Variants in RIF1 observed in about 807,000 individuals in gnomAD.
RIF1 encodes the protein telomere-associated protein RIF1.
RIF1 carries 45 observed loss-of-function variants against 247.1 expected under a neutral mutation model. The ratio of observed to expected loss-of-function variants is 0.18; its 90% CI spans 0.14 to 0.23. The LOEUF is 0.23. Ranked by LOEUF, RIF1 falls within the 10% of genes least tolerant of loss-of-function variation. RIF1 has a pLI of 1.00. For missense variants in RIF1, 2,967 were observed against 2,862.5 expected (o/e 1.04, Z -0.83); for synonymous variants, 1,087 against 978.8 (o/e 1.11, Z -2.06).
At chr2:151,431,310 A>C (rs1166184854) in intron 9 of RIF1, among the ~76,000 whole-genome samples, 2 of 152,208 alleles carry the variant, frequency 1.3e-5, no homozygotes, top group Non-Finnish European at 2.9e-5. Flanking sequence ...CCTTCTAAGA[A>C]TCTTATATAC....
At chr2:151,455,519 CCATGGGTTCTGCATT>C (rs1367607144) in intron 22 of RIF1, among the ~76,000 whole-genome samples, 1 of 152,108 alleles carries the variant, frequency 6.6e-6, no homozygotes, top group Non-Finnish European at 1.5e-5. Flanking sequence ...CTGTTTGTAT[CCATGGGTTCTGCATT>C]CATGGATTCA....
chr2:151,416,534 A>T, intron 4 of RIF1, 27 bp from the exon 5 acceptor site: 1 of 1,569,208 alleles, frequency 6.4e-7, no homozygotes, highest in East Asian at 2.2e-5. Flanking sequence ...CCTATTCTAT[A>T]CAAAATTAAA....
At position 151,462,442 on chromosome 2, in the gene RIF1, G is replaced by A; in HGVS notation, c.3339G>A (p.Lys1113=). 6.4e-7 allele frequency: 1 copy of A among 1,563,856 alleles called. No individual in the cohort carries two copies. The highest frequency in any genetic ancestry group is 8.7e-7 in the Non-Finnish European group (1 of 1,153,364). Residue 1113 remains lysine, a synonymous_variant, in exon 29 of 36, where the codon AAG becomes AAA. Transcript: ENST00000444746. ...MEIPTLTRKP[K]EDSKMMITEE... ...TTCCTACTTTAACCAGAAAACCAAA[G>A]GAGGATTCTAAGATGATGATTACGG...
chr2:151,505,577 A>C (rs771206029), intron 12 of RIF1: 2 of 1,607,264 alleles, frequency 1.2e-6, no homozygotes, highest in Admixed American at 1.7e-5. Context: ...TCACCTGCAG[A>C]TTTAAAAATG....
rs1012509956 is a variant in RIF1 at position 151,496,824 on chromosome 2, TAAAG to T, written c.*513+1505_*513+1508del. On this transcript the variant is annotated intron_variant and NMD_transcript_variant, in intron 10 of 13. Coordinates refer to the RIF1 transcript ENST00000454583. ...CCAAAGGAAAAAAGGATAAATTTGCTAAAGAAAGAAGTTCACAAAATTTGTCTTT... is the reference window on the plus strand; with the variant it reads ...CCAAAGGAAAAAAGGATAAATTTGCTAAAGAAGTTCACAAAATTTGTCTTT... 1.0e-4 allele frequency: 127 copies of T among 1,238,894 alleles called. No homozygotes were observed. In the East Asian group the frequency reaches 1.5e-3, roughly 15 times the overall value. 76.7% of individuals were successfully genotyped at this position (1,238,894 alleles called of 1,614,324 possible). A position where few individuals can be genotyped will look rare whatever the true frequency, so the allele number is the denominator to read the frequency against.
chr2:151,492,360 G>C, intron 9 of RIF1: 1 of 1,590,034 alleles, frequency 6.3e-7, no homozygotes, highest in Non-Finnish European at 8.6e-7. Flanking sequence ...CAGGCAGCCA[G>C]CCAATCCTAA....
At chr2:151,499,105 A>ATTAAG (rs913430202) in intron 10 of RIF1, among the ~76,000 whole-genome samples, 8 of 152,114 alleles carry the variant, frequency 5.3e-5, no homozygotes, top group African/African-American at 1.9e-4. Context: ...CACTTTTTTT[A>ATTAAG]TTAAGTTAAA....
chr2:151,410,573 T>A, intron 2 of RIF1, 46 bp downstream of exon 2: 6 of 1,474,352 alleles, frequency 4.1e-6, no homozygotes, highest in Non-Finnish European at 5.7e-6. Context: ...CGCTCTATAG[T>A]GGGGAGAAAG....
At chr2:151,442,655 G>T (rs1332985351) in intron 16 of RIF1, among the ~76,000 whole-genome samples, 1 of 151,920 alleles carries the variant, frequency 6.6e-6, no homozygotes, top group Non-Finnish European at 1.5e-5. Flanking sequence ...TAGGATATAG[G>T]CATTGGGATT....
Position 151,464,957 on chromosome 2 carries a change from G to T in RIF1, c.5437G>T (p.Val1813Phe). The change falls in exon 30 of 36, where the codon GTT (valine) becomes TTT (phenylalanine). Residue 1813 changes from valine (V) to phenylalanine (F), a missense_variant. Transcript: ENST00000444746. ...TGATACTATTAATGATTCATTAATT[G>T]TTTCTGAAACCAAATCAAAAGAAAA... The part of the protein sequence containing the change: ...DNDTINDSLI[V>F]SETKSKENTM... The T allele has an allele frequency of 6.4e-7, 1 of 1,572,840 alleles. No homozygotes were observed. Among genetic ancestry groups the T allele is most frequent in the Non-Finnish European group, 8.6e-7 (1 of 1,167,554 alleles).
intron 10 of RIF1, chr2:151,496,892 A>AG: frequency 6.8e-7 from 1 of 1,473,648 alleles, no homozygotes; most frequent in Non-Finnish European, 9.3e-7. Flanking sequence ...AAATCATGAA[A>AG]TAGTTTTTAA....
rs1696751249 is a variant in RIF1 at position 151,465,442 on chromosome 2, T to G, written c.5922T>G (p.Ser1974Arg). ...CTGAGGAATTTAATTCAGATATTAG[T>G]CTTTCTGATAATACTACACCTGTAA... ...VATEEFNSDI[S>R]LSDNTTPVKL... The change falls in exon 30 of 36, where the codon AGT becomes AGG. Residue 1974 changes from serine to arginine, a missense_variant. Physicochemically the swap from Ser to Arg is moderately radical, Grantham distance 110. This residue lies in a region of RIF1 where 2,028 missense variants were observed against 1,825.6 expected (regional missense o/e 1.11). Transcript: ENST00000444746. The G allele has an allele frequency of 6.2e-7, 1 of 1,613,824 alleles. No homozygotes were observed. Among genetic ancestry groups the G allele is most frequent in the South Asian group, 1.1e-5 (1 of 91,052 alleles).
chr2:151,499,646 G>GA (rs2062929691), intron 11 of RIF1: 2 of 305,660 alleles, frequency 6.5e-6, no homozygotes, highest in Non-Finnish European at 1.2e-5. Context: ...AGGAATTAAG[G>GA]AAAAAAATAC....
chr2:151,512,631 G>GA (rs1559408379), downstream of RIF1: 6 of 911,054 alleles, frequency 6.6e-6, no homozygotes, highest in East Asian at 1.6e-4. Flanking sequence ...TTTTTATTGG[G>GA]AAAAACTGAT....
intron 21 of RIF1, among the ~76,000 whole-genome samples, chr2:151,452,225 T>C (rs1412439887): frequency 6.6e-6 from 1 of 152,192 alleles, no homozygotes; most frequent in African/African-American, 2.4e-5. Flanking sequence ...AATTGGACAA[T>C]TGGGATCATA....
At chr2:151,527,191 A>G in the RIF1 span, among the ~76,000 whole-genome samples, 1 of 151,862 alleles carries the variant, frequency 6.6e-6, no homozygotes, top group African/African-American at 2.4e-5. Context: ...CCTCCTTTTC[A>G]GCCTAGCTGC....
chr2:151,511,514 A>G (rs929405668), downstream of RIF1, among the ~76,000 whole-genome samples: 3 of 152,228 alleles, frequency 2.0e-5, no homozygotes, highest in African/African-American at 7.2e-5. Context: ...CAGATTTACT[A>G]GCATCAAAAT....
chr2:151,437,444 A>C (rs1691444672), intron 13 of RIF1, 93 bp downstream of exon 13: 4 of 958,522 alleles, frequency 4.2e-6, no homozygotes, highest in Non-Finnish European at 3.3e-6. Flanking sequence ...TAATCCCAGC[A>C]CTTTGGGAGG....
At chr2:151,474,725 T>C (rs1194333104) in intron 35 of RIF1, 132 bp from the exon 36 acceptor site, 9 of 634,824 alleles carry the variant, frequency 1.4e-5, no homozygotes, top group South Asian at 3.8e-5. Context: ...TTTTGTGTGC[T>C]TGTCCTCATG....
Sources: gnomAD v4.1 joint callset for allele counts (sites outside exome capture counted in the v4.1 genomes callset) on GRCh38, gnomAD v4.1.1 for gene constraint, gnomAD v4.1.1 regional missense constraint, MANE v1.5 for transcripts, NCBI Gene and HGNC (gene_info 2026-07-23, HGNC 2026-07-21) for gene names.